Variants in TENM2 observed in about 807,000 individuals in gnomAD.
The protein encoded by TENM2 is teneurin transmembrane protein 2.
In TENM2, 52 loss-of-function variants were observed where a neutral mutation model predicts 245.2. The observed-to-expected ratio is 0.21, with a 90% CI of 0.17 to 0.27. The LOEUF is 0.27. TENM2 is among the 10% of genes least tolerant of loss of function. The probability of loss-of-function intolerance (pLI) is 1.00; values close to 1 mark genes in which losing one functional copy is unlikely to be tolerated. For synonymous variants in TENM2, 1,363 were observed against 1,438.9 expected, an observed-to-expected ratio of 0.95 and a Z score of 1.19; for missense variants, 3,046 against 3,666.8, an observed-to-expected ratio of 0.83 and a Z score of 4.37.
chr5:167,231,906 T>A, the TENM2 span, among the ~76,000 whole-genome samples: 1 of 152,142 alleles, frequency 6.6e-6, no homozygotes, highest in African/African-American at 2.4e-5. Flanking sequence ...GCTTTCTGCA[T>A]TTTTGGGACT....
intron 1 of TENM2, among the ~76,000 whole-genome samples, chr5:167,323,493 T>G (rs1019378278): frequency 6.6e-6 from 1 of 152,188 alleles, no homozygotes; most frequent in Admixed American, 6.5e-5. Context: ...TGCTGAGATG[T>G]GTCCTCTGAA....
rs115303643 is a variant in TENM2 at position 168,251,411 on chromosome 5, C to T, written c.7432+3040C>T. 8.3e-3 allele frequency among the ~76,000 whole-genome samples: 1,264 copies of T among 152,182 alleles called. 11 individuals carry two copies. The highest frequency in any genetic ancestry group is 0.029 in the South Asian group (138 of 4,826). On this transcript the variant is annotated intron_variant, in intron 27 of 28. Transcript: ENST00000518659. ...TCAAATCAAGTTGAACTAAGTCCAA[C>T]GAAATTGAATCCAGAAACCATTAGA...
intron 2 of TENM2, among the ~76,000 whole-genome samples, chr5:167,456,450 A>C (rs1056326286): frequency 1.8e-4 from 28 of 152,282 alleles, no homozygotes; most frequent in African/African-American, 6.5e-4. Context: ...ATCTTTACTA[A>C]GTCCATTTCT....
rs149065541 is a variant in TENM2 at position 167,379,912 on chromosome 5, A to G, written c.502+4439A>G. ...ATTGTCTCAATTTCTTAAAAACAAA[A>G]CAAAATTTAAAAACATACCAAAAAA... is the stretch of plus-strand genomic sequence containing the variant. On this transcript the variant is annotated intron_variant, in intron 2 of 28. Transcript: ENST00000518659. Among the ~76,000 whole-genome samples, 629 of 146,570 alleles carry G rather than the reference A, an allele frequency of 4.3e-3. 5 individuals carry two copies. The highest frequency in any genetic ancestry group is 0.016 in the African/African-American group (607 of 38,334).
intron 4 of TENM2, chr5:167,953,544 G>C (rs1162433518): frequency 2.0e-5 from 3 of 152,522 alleles, no homozygotes; most frequent in African/African-American, 7.2e-5. Context: ...GTATGGAGGG[G>C]CTGGAATGTC....
the TENM2 span, among the ~76,000 whole-genome samples, chr5:167,268,936 A>AGAC: frequency 2.7e-5 from 4 of 149,452 alleles, no homozygotes; most frequent in Admixed American, 6.7e-5. Flanking sequence ...ATAGACAGAC[A>AGAC]TTTTTTTTTT....
chr5:167,725,705 G>A (rs183499319), intron 2 of TENM2, among the ~76,000 whole-genome samples: 2 of 152,200 alleles, frequency 1.3e-5, no homozygotes, highest in East Asian at 1.9e-4. Context: ...GAGTGGTTTA[G>A]GGGTTCTTAG....
chr5:168,011,159 A>G (rs936532529), intron 5 of TENM2, among the ~76,000 whole-genome samples: 18 of 152,230 alleles, frequency 1.2e-4, no homozygotes, highest in Non-Finnish European at 7.3e-5. Flanking sequence ...CAGGGTCCTA[A>G]GATGTGCAAA....
chr5:168,003,570 C>T (rs1784580147), intron 5 of TENM2, among the ~76,000 whole-genome samples: 1 of 152,128 alleles, frequency 6.6e-6, no homozygotes, highest in Non-Finnish European at 1.5e-5. Context: ...GAAAATGGCA[C>T]CCAGCATACC....
chr5:168,153,333 CCCAGTTAAGA>C (rs1354827329), intron 12 of TENM2, among the ~76,000 whole-genome samples: 2 of 152,144 alleles, frequency 1.3e-5, no homozygotes, highest in African/African-American at 2.4e-5. Flanking sequence ...GAAAGTGCGG[CCCAGTTAAGA>C]CCCGTTGCTT....
At chr5:167,043,394 G>A in the TENM2 span, among the ~76,000 whole-genome samples, 3 of 152,158 alleles carry the variant, frequency 2.0e-5, no homozygotes, top group Non-Finnish European at 4.4e-5. Context: ...GTCGGGGAAA[G>A]ACCAAAAACT....
chr5:167,839,494 C>G (rs1057436694), intron 2 of TENM2, among the ~76,000 whole-genome samples: 2 of 151,606 alleles, frequency 1.3e-5, no homozygotes, highest in African/African-American at 4.8e-5. Context: ...TTAGATAGGC[C>G]CTGATGTATG....
At chr5:167,849,494 G>T (rs1770372610) in intron 2 of TENM2, among the ~76,000 whole-genome samples, 1 of 152,062 alleles carries the variant, frequency 6.6e-6, no homozygotes, top group African/African-American at 2.4e-5. Context: ...CAACCAATCA[G>T]TTCTCCAGTG....
chr5:168,247,375 G>A lies in TENM2; in HGVS notation c.6436G>A (p.Ala2146Thr). 6.2e-7 allele frequency: 1 copy of A among 1,613,960 alleles called. No individual in the cohort carries two copies. Among genetic ancestry groups the A allele is most frequent in the Non-Finnish European group, 8.5e-7 (1 of 1,179,888 alleles). The change falls in exon 27 of 29, where the codon GCC becomes ACC. Residue 2146 changes from alanine to threonine, a missense_variant. By Grantham distance (58) the Ala-to-Thr change is moderately conservative. This residue lies in a region of TENM2 where 2,704 missense variants were observed against 3,331.9 expected (regional missense o/e 0.81). Transcript: ENST00000518659. The surrounding 1 kb of genome is among the most constrained non-coding windows in gnomAD (Gnocchi z 7.8). The stretch of plus-strand genomic sequence containing the variant: ...TGACATCAACCAGATCATCACCACT[G>A]CCGTGATGACCCTCAGCAAACACTT...
chr5:167,116,954 G>A, the TENM2 span, among the ~76,000 whole-genome samples: 1 of 152,174 alleles, frequency 6.6e-6, no homozygotes, highest in African/African-American at 2.4e-5. Flanking sequence ...TTTGCATGGT[G>A]ATGAATCAGT....
At chr5:168,131,555 C>T (rs1204556799) in intron 12 of TENM2, among the ~76,000 whole-genome samples, 3 of 152,070 alleles carry the variant, frequency 2.0e-5, no homozygotes, top group Admixed American at 6.6e-5. Context: ...TGCGATGATC[C>T]GATGTGCTGA....
At chr5:167,158,645 A>G in the TENM2 span, among the ~76,000 whole-genome samples, 1 of 152,236 alleles carries the variant, frequency 6.6e-6, no homozygotes, top group African/African-American at 2.4e-5. Flanking sequence ...TCTTCACATA[A>G]TAGAGAGAGA....
At chr5:167,194,627 G>C in the TENM2 span, among the ~76,000 whole-genome samples, 5 of 151,928 alleles carry the variant, frequency 3.3e-5, no homozygotes, top group South Asian at 2.1e-4. Context: ...GAAGGAACAG[G>C]GGGTTGGGAC....
intron 2 of TENM2, among the ~76,000 whole-genome samples, chr5:167,583,510 A>ACC (rs1554085401): frequency 3.4e-4 from 51 of 150,008 alleles, no homozygotes; most frequent in East Asian, 1.4e-3. Flanking sequence ...ACACACACAC[A>ACC]CCCCAAACCT....
Sources: gnomAD v4.1 joint callset for allele counts (sites outside exome capture counted in the v4.1 genomes callset) on GRCh38, gnomAD v4.1.1 for gene constraint, gnomAD v4.1.1 regional missense constraint, Gnocchi (gnomAD v3.1) non-coding constraint, MANE v1.5 for transcripts, NCBI Gene and HGNC (gene_info 2026-07-23, HGNC 2026-07-21) for gene names.